Variants in LOC128706665 observed in about 807,000 individuals in gnomAD.
chr20:10,433,962 C>T, the LOC128706665 span: 3 of 152,306 alleles, frequency 2.0e-5, no homozygotes, highest in African/African-American at 7.2e-5. Context: ...GAGAGCCAGC[C>T]TCCTCCTTGT....
At chr20:10,414,587 T>G in the LOC128706665 span, among the ~76,000 whole-genome samples, 1 of 152,124 alleles carries the variant, frequency 6.6e-6, no homozygotes, top group Non-Finnish European at 1.5e-5. Flanking sequence ...TTAAAAGAAG[T>G]CCCAAATATC....
the LOC128706665 span, among the ~76,000 whole-genome samples, chr20:10,430,282 T>C: frequency 1.3e-5 from 2 of 152,328 alleles, no homozygotes; most frequent in East Asian, 3.9e-4. Context: ...CTTTGAATCT[T>C]CACTTACCAC....
At chr20:10,414,020 GC>G in the LOC128706665 span, 1 of 389,006 alleles carries the variant, frequency 2.6e-6, no homozygotes, top group Non-Finnish European at 4.5e-6. Flanking sequence ...ATGCTCTGCT[GC>G]CTTTTTAGAA....
the LOC128706665 span, among the ~76,000 whole-genome samples, chr20:10,429,952 G>A: frequency 6.6e-6 from 1 of 152,148 alleles, no homozygotes; most frequent in Non-Finnish European, 1.5e-5. Flanking sequence ...TAATTCTGAA[G>A]CTAAAGTTTG....
chr20:10,433,638 T>C, the LOC128706665 span, among the ~76,000 whole-genome samples: 300 of 152,284 alleles, frequency 2.0e-3, 2 homozygotes, highest in African/African-American at 7.0e-3. Context: ...CCGCGGCTGC[T>C]TTCACGTAGC....
chr20:10,416,679 G>A, the LOC128706665 span, among the ~76,000 whole-genome samples: 1 of 152,154 alleles, frequency 6.6e-6, no homozygotes, highest in Non-Finnish European at 1.5e-5. Flanking sequence ...AATAGTTGAC[G>A]ATGGAAAGTT....
chr20:10,415,664 A>G, the LOC128706665 span, among the ~76,000 whole-genome samples: 2 of 152,252 alleles, frequency 1.3e-5, no homozygotes, highest in African/African-American at 4.8e-5. Context: ...AGTGACTTCT[A>G]TATGTTAATT....
chr20:10,416,216 T>C, the LOC128706665 span, among the ~76,000 whole-genome samples: 1 of 152,182 alleles, frequency 6.6e-6, no homozygotes. Flanking sequence ...GCATGACTTC[T>C]TCTAAATTAA....
At chr20:10,432,970 C>G in the LOC128706665 span, among the ~76,000 whole-genome samples, 3 of 152,268 alleles carry the variant, frequency 2.0e-5, no homozygotes, top group East Asian at 5.8e-4. Context: ...TGCACGTGTT[C>G]AGTACAGATG....
the LOC128706665 span, among the ~76,000 whole-genome samples, chr20:10,423,030 T>G: frequency 6.6e-6 from 1 of 152,186 alleles, no homozygotes; most frequent in East Asian, 1.9e-4. Context: ...ACATTACTTT[T>G]AAGAGCCATT....
the LOC128706665 span, among the ~76,000 whole-genome samples, chr20:10,432,533 C>T: frequency 6.6e-6 from 1 of 152,178 alleles, no homozygotes; most frequent in Non-Finnish European, 1.5e-5. Context: ...TGGGTCATGC[C>T]TGTAATCCCA....
At chr20:10,429,687 A>G in the LOC128706665 span, among the ~76,000 whole-genome samples, 2 of 152,164 alleles carry the variant, frequency 1.3e-5, no homozygotes, top group Non-Finnish European at 2.9e-5. Context: ...CTCACTCAGC[A>G]CATCCTGCCA....
chr20:10,427,063 C>CACACACACACACAA, the LOC128706665 span, among the ~76,000 whole-genome samples: 156 of 145,514 alleles, frequency 1.1e-3, 2 homozygotes, highest in African/African-American at 3.9e-3. Context: ...CACACACACA[C>CACACACACACACAA]ACACACACAC....
chr20:10,413,800 G>A, the LOC128706665 span: 1 of 541,332 alleles, frequency 1.8e-6, no homozygotes, highest in East Asian at 2.9e-5. Flanking sequence ...GCAGACCTCT[G>A]CAAAAAGTAT....
At chr20:10,421,505 T>A in the LOC128706665 span, among the ~76,000 whole-genome samples, 1 of 152,066 alleles carries the variant, frequency 6.6e-6, no homozygotes, top group East Asian at 1.9e-4. Context: ...GAATTTAGGT[T>A]CTATATTCTG....
chr20:10,416,396 C>T, the LOC128706665 span, among the ~76,000 whole-genome samples: 6 of 152,050 alleles, frequency 3.9e-5, no homozygotes, highest in Non-Finnish European at 5.9e-5. Context: ...TTAAAGACTA[C>T]GTGGGTCATA....
the LOC128706665 span, among the ~76,000 whole-genome samples, chr20:10,417,441 G>T: frequency 6.6e-6 from 1 of 151,988 alleles, no homozygotes; most frequent in South Asian, 2.1e-4. Context: ...CAAGACCCTG[G>T]TTCTAAAAAT....
At chr20:10,426,418 C>T in the LOC128706665 span, among the ~76,000 whole-genome samples, 1 of 151,988 alleles carries the variant, frequency 6.6e-6, no homozygotes, top group Admixed American at 6.6e-5. Context: ...GTTCTTTTTT[C>T]TTTTTTTGGG....
the LOC128706665 span, among the ~76,000 whole-genome samples, chr20:10,416,019 T>C: frequency 1.3e-5 from 2 of 152,212 alleles, no homozygotes; most frequent in Non-Finnish European, 2.9e-5. Flanking sequence ...GGCTGGTTTA[T>C]AGAACATGTT....
Sources: allele counts gnomAD v4.1 joint callset (sites outside exome capture counted in the v4.1 genomes callset), GRCh38; gene constraint gnomAD v4.1.1; transcripts MANE v1.5.